Variants in BCL2L13 observed in about 807,000 individuals in gnomAD.
The protein encoded by BCL2L13 is bcl-2-like protein 13.
BCL2L13 carries 13 observed loss-of-function variants against 25.8 expected under a neutral mutation model. The observed-to-expected ratio is 0.50, with a 90% CI of 0.33 to 0.80. The LOEUF (loss-of-function observed/expected upper bound fraction) is 0.80. Ranked by LOEUF, BCL2L13 falls within the 30% of genes least tolerant of loss-of-function variation. BCL2L13 has a pLI of 0.02. For missense variants in BCL2L13, 504 were observed against 574.9 expected, an observed-to-expected ratio of 0.88 and a Z score of 1.26; for synonymous variants, 244 against 230.3, an observed-to-expected ratio of 1.06 and a Z score of -0.54.
intron 1 of BCL2L13, among the ~76,000 whole-genome samples, chr22:17,654,127 A>C (rs549954028): frequency 6.6e-6 from 1 of 152,286 alleles, no homozygotes; most frequent in Non-Finnish European, 1.5e-5. Context: ...TGTTATTGAG[A>C]CAGGGTCTTG....
At chr22:17,709,981 G>A (rs1405288081) in intron 6 of BCL2L13, among the ~76,000 whole-genome samples, 1 of 144,560 alleles carries the variant, frequency 6.9e-6, no homozygotes, top group Non-Finnish European at 1.5e-5. Context: ...GAGGCAGGAG[G>A]ATCACTTGAG....
intron 6 of BCL2L13, among the ~76,000 whole-genome samples, chr22:17,719,827 C>CAAAAAAAAAA (rs60474373): frequency 1.1e-5 from 1 of 91,090 alleles, no homozygotes; most frequent in African/African-American, 3.7e-5. Flanking sequence ...GACTCCATCT[C>CAAAAAAAAAA]AAAAAAAAAA....
chr22:17,693,028 G>C (rs2060148602), intron 4 of BCL2L13, among the ~76,000 whole-genome samples: 2 of 151,962 alleles, frequency 1.3e-5, no homozygotes, highest in Non-Finnish European at 2.9e-5. Context: ...ACATTGTCAT[G>C]GCATGTGTCA....
At chr22:17,638,693 G>A, upstream of BCL2L13, 1 of 1,231,758 alleles carries the variant, frequency 8.1e-7, no homozygotes, top group South Asian at 4.1e-5. Context: ...TACCGTTCCG[G>A]ATGTCAGGTA....
chr22:17,667,204 C>A (rs190014808), intron 2 of BCL2L13, among the ~76,000 whole-genome samples: 4 of 152,204 alleles, frequency 2.6e-5, no homozygotes, highest in African/African-American at 9.6e-5. Context: ...AGTTTCCCCC[C>A]CAACCCCACC....
chr22:17,698,706 GCAACAGAGC>G (rs1400766132), intron 5 of BCL2L13, among the ~76,000 whole-genome samples: 3 of 151,888 alleles, frequency 2.0e-5, no homozygotes, highest in Non-Finnish European at 1.5e-5. Context: ...TCCAGCCTGG[GCAACAGAGC>G]CAGACTGTCT....
intron 6 of BCL2L13, 89 bp downstream of exon 6, chr22:17,702,475 C>A: frequency 1.6e-6 from 2 of 1,278,704 alleles, no homozygotes; most frequent in Non-Finnish European, 2.1e-6. Context: ...CTGTGTTACC[C>A]GGGCTGGAGT....
chr22:17,694,455 G>A (rs182944878), intron 4 of BCL2L13, among the ~76,000 whole-genome samples: 119 of 152,142 alleles, frequency 7.8e-4, no homozygotes, highest in Admixed American at 1.8e-3. Context: ...GGAGGCATCA[G>A]TTGGGCCCAA....
At chr22:17,678,660 G>A (rs975063894) in intron 2 of BCL2L13, among the ~76,000 whole-genome samples, 31 of 152,110 alleles carry the variant, frequency 2.0e-4, no homozygotes, top group African/African-American at 7.0e-4. Flanking sequence ...GTTTACTACC[G>A]TGCCTGTTAA....
chr22:17,690,556 A>G (rs942194283), intron 4 of BCL2L13, among the ~76,000 whole-genome samples: 9 of 151,878 alleles, frequency 5.9e-5, no homozygotes, highest in African/African-American at 2.2e-4. Flanking sequence ...GCCAGGAGTT[A>G]AAGACCAGCC....
chr22:17,680,446 T>C lies in BCL2L13; in HGVS notation c.122-2768T>C, dbSNP rs1163271839. The stretch of plus-strand genomic sequence containing the variant: ...ATGGCATGAACCTGGGAGGTGGAGC[T>C]TGCAGTGAGCCGAGATCAAGCCACT... On this transcript the variant is annotated intron_variant, in intron 2 of 6. Transcript: ENST00000317582. Among the ~76,000 whole-genome samples, 2 of 135,090 alleles carry C rather than the reference T, an allele frequency of 1.5e-5. 1 individual carries two copies. The highest frequency in any genetic ancestry group is 5.7e-5 in the African/African-American group (2 of 35,186). 88.6% of individuals were successfully genotyped at this position (135,090 alleles called of 152,430 possible).
rs1464603126 is a variant in BCL2L13 at position 17,660,403 on chromosome 22, A to C, written c.121+4571A>C. Among the ~76,000 whole-genome samples the C allele has an allele frequency of 2.7e-5, 4 of 145,932 alleles. No individual in the cohort carries two copies. The Admixed American group carries it at 2.7e-4, about 10-fold the overall frequency. On this transcript the variant is annotated intron_variant, in intron 2 of 6. Coordinates refer to ENST00000317582, the MANE Select transcript of BCL2L13 (RefSeq NM_015367.4). The stretch of plus-strand genomic sequence containing the variant: ...TTTTATAAATTGATCAGATTGGTTT[A>C]TTTCTACACTTACTGATTGATTGAT...
intron 6 of BCL2L13, among the ~76,000 whole-genome samples, chr22:17,719,956 T>C (rs1348782804): frequency 6.6e-6 from 1 of 152,120 alleles, no homozygotes; most frequent in Non-Finnish European, 1.5e-5. Context: ...CCATTTCTAC[T>C]TCTCAGAATA....
intron 1 of BCL2L13, among the ~76,000 whole-genome samples, chr22:17,646,134 A>G (rs1474976274): frequency 1.3e-5 from 2 of 151,550 alleles, no homozygotes; most frequent in Non-Finnish European, 2.9e-5. Flanking sequence ...CCAAGGGACA[A>G]TTCTACTTGA....
chr22:17,681,363 G>A (rs753972485), intron 2 of BCL2L13, among the ~76,000 whole-genome samples: 32 of 152,054 alleles, frequency 2.1e-4, no homozygotes, highest in Admixed American at 4.6e-4. Flanking sequence ...AAAATTAGGC[G>A]GGTGTGGTGG....
intron 4 of BCL2L13, among the ~76,000 whole-genome samples, chr22:17,695,385 G>C (rs755576650): frequency 1.3e-5 from 2 of 152,030 alleles, no homozygotes; most frequent in Non-Finnish European, 2.9e-5. Flanking sequence ...TCAGTGGTGC[G>C]ATCTCGGCTC....
At chr22:17,635,813 G>A (rs1343811705), upstream of BCL2L13, among the ~76,000 whole-genome samples, 1 of 151,828 alleles carries the variant, frequency 6.6e-6, no homozygotes, top group African/African-American at 2.4e-5. Flanking sequence ...GGGTTCAAGT[G>A]ATTCTTCTGC....
chr22:17,660,847 C>T (rs979593731), intron 2 of BCL2L13, among the ~76,000 whole-genome samples: 2 of 145,766 alleles, frequency 1.4e-5, no homozygotes, highest in African/African-American at 4.9e-5. Context: ...TGCAGTGGCA[C>T]CATCTTGGCT....
intron 1 of BCL2L13, among the ~76,000 whole-genome samples, chr22:17,641,604 T>C (rs1270056639): frequency 6.6e-6 from 1 of 152,132 alleles, no homozygotes; most frequent in Non-Finnish European, 1.5e-5. Flanking sequence ...CAGTACTTTT[T>C]AGTATATTCA....
Sources: allele counts gnomAD v4.1 joint callset (sites outside exome capture counted in the v4.1 genomes callset), GRCh38; gene constraint gnomAD v4.1.1; transcripts MANE v1.5; gene names NCBI Gene and HGNC (gene_info 2026-07-23, HGNC 2026-07-21).